Variants in MIB1 observed in about 807,000 individuals in gnomAD.
The protein encoded by MIB1 is E3 ubiquitin-protein ligase MIB1.
In MIB1, 278 loss-of-function variants were observed where a neutral mutation model predicts 124.5. The ratio of observed to expected loss-of-function variants is 2.23; its 90% CI spans 2.02 to 2.47. The LOEUF (loss-of-function observed/expected upper bound fraction) is 2.47, where lower values mean the gene tolerates loss of function less well. Ranked by LOEUF, MIB1 falls within the 30% of genes most tolerant of loss-of-function variation. The pLI is 0.00. For synonymous variants in MIB1, 446 were observed against 429.4 expected (o/e 1.04, Z -0.48); for missense variants, 957 against 1,254.4 (o/e 0.76, Z 3.58).
At chr18:21,777,468 T>C (rs1274862785) in intron 4 of MIB1, among the ~76,000 whole-genome samples, 1 of 152,238 alleles carries the variant, frequency 6.6e-6, no homozygotes, top group African/African-American at 2.4e-5. Context: ...GTTGTCCTTT[T>C]TTAACATGTG....
At chr18:21,836,369 G>A (rs1009349194) in intron 12 of MIB1, among the ~76,000 whole-genome samples, 7 of 150,362 alleles carry the variant, frequency 4.7e-5, no homozygotes, top group Non-Finnish European at 1.5e-5. Context: ...CACCTCCTGC[G>A]TTCACGCCAT....
At position 21,858,531 on chromosome 18, in the gene MIB1, A is replaced by G; in HGVS notation, c.2780-15A>G. 8.5e-7 allele frequency: 1 copy of G among 1,170,444 alleles called. No individual in the cohort carries two copies. The highest frequency in any genetic ancestry group is 1.4e-5 in the South Asian group (1 of 73,632). 72.5% of individuals were successfully genotyped at this position (1,170,444 alleles called of 1,614,324 possible). A position where few individuals can be genotyped will look rare whatever the true frequency, so the allele number is the denominator to read the frequency against. On this transcript the variant is annotated splice_polypyrimidine_tract_variant and intron_variant, in intron 19 of 20. Coordinates refer to ENST00000261537, the MANE Select transcript of MIB1 (RefSeq NM_020774.4). ...AGCAATAATAACTGAAAATCTTTTT[A>G]AATCTATATTATAGCAAGTGGGAAT...
chr18:21,741,306 G>C lies in MIB1; in HGVS notation c.-278G>C, dbSNP rs1395598672. Reference sequence around the variant, plus strand: ...AGGAAGCGGGAGAGTCCCCGCCCACGGCCCCCTCCCCTCTGCCCGCTCTCC... The same window carrying C: ...AGGAAGCGGGAGAGTCCCCGCCCACCGCCCCCTCCCCTCTGCCCGCTCTCC... On this transcript the variant is annotated 5_prime_UTR_variant, in exon 1 of 21. Transcript: ENST00000261537. This position sits in a 1 kb window ranked among gnomAD's most constrained non-coding sequence, Gnocchi z 5.4. 1 of 164,536 alleles carries C rather than the reference G, an allele frequency of 6.1e-6. No homozygotes were observed. The highest frequency in any genetic ancestry group is 1.3e-5 in the Non-Finnish European group (1 of 76,682). The allele number at this position is 164,536 out of a possible 1,614,324, so 10.2% of individuals were successfully genotyped here.
chr18:21,863,628 C>T (rs1488780040), intron 20 of MIB1, among the ~76,000 whole-genome samples: 1 of 152,034 alleles, frequency 6.6e-6, no homozygotes, highest in African/African-American at 2.4e-5. Context: ...TCTTTAAAGG[C>T]ACAACATGGG....
At chr18:21,772,132 CAAATATATCATAAAATA>C (rs1158581871) in intron 3 of MIB1, among the ~76,000 whole-genome samples, 2 of 152,106 alleles carry the variant, frequency 1.3e-5, no homozygotes, top group African/African-American at 4.8e-5. Flanking sequence ...TTTATTTCCA[CAAATATATCATAAAATA>C]CCTGGCTTAC....
At chr18:21,784,084 A>T (rs1032207541) in intron 6 of MIB1, among the ~76,000 whole-genome samples, 1 of 123,918 alleles carries the variant, frequency 8.1e-6, no homozygotes, top group Non-Finnish European at 1.6e-5. Context: ...GAGTCTCGCT[A>T]TGTCACCAGG....
At chr18:21,767,938 C>G (rs1199192563) in intron 2 of MIB1, among the ~76,000 whole-genome samples, 1 of 152,084 alleles carries the variant, frequency 6.6e-6, no homozygotes, top group Non-Finnish European at 1.5e-5. Context: ...CTGCCCCCGC[C>G]AATACAGAAG....
At chr18:21,747,853 C>G (rs1198338525) in intron 1 of MIB1, among the ~76,000 whole-genome samples, 1 of 152,168 alleles carries the variant, frequency 6.6e-6, no homozygotes, top group Non-Finnish European at 1.5e-5. Flanking sequence ...TGTGTGCTTT[C>G]ATCTGTTAAA....
intron 1 of MIB1, among the ~76,000 whole-genome samples, chr18:21,719,591 T>G (rs1464201940): frequency 6.6e-6 from 1 of 151,456 alleles, no homozygotes; most frequent in Admixed American, 6.6e-5. Context: ...GGACGATGGG[T>G]ATACGTCACC....
At chr18:21,747,720 A>G (rs982285532) in intron 1 of MIB1, among the ~76,000 whole-genome samples, 11 of 152,174 alleles carry the variant, frequency 7.2e-5, no homozygotes, top group African/African-American at 2.7e-4. Context: ...TTTCGATCCT[A>G]TACTTTCCAG....
chr18:21,806,279 C>CCACTCA (rs2041705578), intron 10 of MIB1, among the ~76,000 whole-genome samples: 4 of 151,526 alleles, frequency 2.6e-5, no homozygotes, highest in Non-Finnish European at 5.9e-5. Flanking sequence ...TGGCTCACTG[C>CCACTCA]AGCCTTGAAT....
chr18:21,750,778 A>T (rs1320544635), intron 1 of MIB1, among the ~76,000 whole-genome samples: 1 of 152,028 alleles, frequency 6.6e-6, no homozygotes, highest in East Asian at 1.9e-4. Context: ...CCTGCCCCAC[A>T]CCTCTTACCT....
chr18:21,803,948 T>G lies in MIB1; in HGVS notation c.1413T>G (p.Ala471=). The G allele has an allele frequency of 6.2e-7, 1 of 1,613,866 alleles. No individual in the cohort carries two copies. Among genetic ancestry groups the G allele is most frequent in the Non-Finnish European group, 8.5e-7 (1 of 1,179,852 alleles). The change falls in exon 10 of 21, where the codon GCT becomes GCG. Residue 471 remains alanine, a synonymous_variant. Coordinates refer to ENST00000261537, the MANE Select transcript of MIB1 (RefSeq NM_020774.4). ...QCAGHTAMQA[A]SQNGHVDILK... Reference sequence around the variant, plus strand: ...CTGGCCACACAGCTATGCAAGCTGCTAGTCAGAATGGACATGTTGACATTT... The same window carrying G: ...CTGGCCACACAGCTATGCAAGCTGCGAGTCAGAATGGACATGTTGACATTT...
At position 21,864,943 on chromosome 18, in the gene MIB1, CT is replaced by C; in HGVS notation, c.*283del. 4.0e-6 allele frequency: 1 copy of C among 247,588 alleles called. No individual in the cohort carries two copies. Among genetic ancestry groups the C allele is most frequent in the Non-Finnish European group, 7.6e-6 (1 of 131,418 alleles). 15.3% of individuals were successfully genotyped at this position (247,588 alleles called of 1,614,324 possible). Reference sequence around the variant, plus strand: ...AAGAGGAAAGTCCTTTAAGGATATCCTTTTTTAAAAAATTGCATTTTTCTCT... The same window carrying C: ...AAGAGGAAAGTCCTTTAAGGATATCCTTTTTAAAAAATTGCATTTTTCTCT... On this transcript the variant is annotated 3_prime_UTR_variant, in exon 21 of 21. Coordinates refer to ENST00000261537, the MANE Select transcript of MIB1 (RefSeq NM_020774.4).
At chr18:21,721,497 T>C (rs1276879193) in intron 1 of MIB1, among the ~76,000 whole-genome samples, 1 of 152,050 alleles carries the variant, frequency 6.6e-6, no homozygotes, top group Non-Finnish European at 1.5e-5. Flanking sequence ...AGCTTTAAAA[T>C]TATGATTTTA....
rs1029593430 is a variant in MIB1 at position 21,865,556 on chromosome 18, G to A, written c.*890G>A. ...CTGGGCTTGATCTGACCAGTGAAAT[G>A]ACATTGCCCTATTTGGACCTCTGAG... is the stretch of plus-strand genomic sequence containing the variant. On this transcript the variant is annotated 3_prime_UTR_variant, in exon 21 of 21. Coordinates refer to ENST00000261537, the MANE Select transcript of MIB1 (RefSeq NM_020774.4). 1 of 152,592 alleles carries A rather than the reference G, an allele frequency of 6.6e-6. No homozygotes were observed. The highest frequency in any genetic ancestry group is 2.4e-5 in the African/African-American group (1 of 41,438). 9.5% of individuals were successfully genotyped at this position (152,592 alleles called of 1,614,324 possible).
intron 1 of MIB1, among the ~76,000 whole-genome samples, chr18:21,754,924 C>T (rs1237069688): frequency 2.0e-5 from 3 of 152,146 alleles, no homozygotes; most frequent in African/African-American, 4.8e-5. Flanking sequence ...GGAAAGTAGT[C>T]CCTTTGGATG....
At position 21,741,832 on chromosome 18, in the gene MIB1, C is replaced by T. The variant is rs2040856645; in HGVS notation, c.229+20C>T. On this transcript the variant is annotated intron_variant, in intron 1 of 20. Coordinates refer to ENST00000261537, the MANE Select transcript of MIB1 (RefSeq NM_020774.4). This position sits in a 1 kb window ranked among gnomAD's most constrained non-coding sequence, Gnocchi z 5.4. ...CCACCGGTAAGCCGCGGCCACCTGG[C>T]CAGGGCTTGCGCGCGCGGGGGGAAG... 6.4e-7 allele frequency: 1 copy of T among 1,558,964 alleles called. No individual in the cohort carries two copies. The highest frequency in any genetic ancestry group is 8.7e-7 in the Non-Finnish European group (1 of 1,151,712).
chr18:21,776,377 G>T (rs1163949966), intron 4 of MIB1, among the ~76,000 whole-genome samples: 2 of 152,152 alleles, frequency 1.3e-5, no homozygotes, highest in African/African-American at 4.8e-5. Context: ...CTGTGTGAGT[G>T]TGCGTGTGTG....
Sources: allele counts gnomAD v4.1 joint callset (sites outside exome capture counted in the v4.1 genomes callset), GRCh38; gene constraint gnomAD v4.1.1; non-coding constraint Gnocchi (gnomAD v3.1); transcripts MANE v1.5; gene names NCBI Gene and HGNC (gene_info 2026-07-23, HGNC 2026-07-21).